Variants in NT5E observed in about 807,000 individuals in gnomAD.
NT5E encodes 5'-nucleotidase ecto.
NT5E carries 53 observed loss-of-function variants against 55.1 expected under a neutral mutation model. The ratio of observed to expected loss-of-function variants is 0.96; its 90% CI spans 0.77 to 1.21. The LOEUF is 1.21. NT5E is among the 50% of genes most tolerant of loss of function. The pLI, the probability that NT5E is intolerant of heterozygous loss-of-function variation, is 0.00. For missense variants in NT5E, 683 were observed against 724.3 expected, an observed-to-expected ratio of 0.94 and a Z score of 0.65; for synonymous variants, 270 against 278.4, an observed-to-expected ratio of 0.97 and a Z score of 0.30.
At chr6:85,489,430 C>A in intron 5 of NT5E, 64 bp from the exon 6 acceptor site, 1 of 1,168,984 alleles carries the variant, frequency 8.6e-7, no homozygotes, top group Non-Finnish European at 1.3e-6. Context: ...TAACCAGATT[C>A]CTGGAGCTGA....
At chr6:85,451,018 G>A (rs935704296) in intron 1 of NT5E, among the ~76,000 whole-genome samples, 4 of 152,256 alleles carry the variant, frequency 2.6e-5, no homozygotes, top group African/African-American at 9.6e-5. Flanking sequence ...CACAGCTTTG[G>A]GGTAGATTCT....
At chr6:85,485,116 A>T in intron 3 of NT5E, 119 bp from the exon 4 acceptor site, 1 of 950,328 alleles carries the variant, frequency 1.1e-6, no homozygotes. Context: ...AGCTATGTAG[A>T]GCAACAGATG....
In NT5E at chr6:85,492,267, C is replaced by T; in HGVS notation, c.1561+90C>T. 2.5e-6 allele frequency: 3 copies of T among 1,177,996 alleles called. No homozygotes were observed. The Middle Eastern group carries it at 7.0e-4, about 275-fold the overall frequency. 73.0% of individuals were successfully genotyped at this position (1,177,996 alleles called of 1,614,324 possible). A position where few individuals can be genotyped will look rare whatever the true frequency, so the allele number is the denominator to read the frequency against. Reference sequence around the variant, plus strand: ...TAGTGGTGCCAGGAGGGCAAAGTGACTCCCTGTATTGCTGACTCCCTCCTG... The same window carrying T: ...TAGTGGTGCCAGGAGGGCAAAGTGATTCCCTGTATTGCTGACTCCCTCCTG... On this transcript the variant is annotated intron_variant, in intron 8 of 8. Coordinates refer to ENST00000257770, the MANE Select transcript of NT5E (RefSeq NM_002526.4).
At chr6:85,456,807 G>C (rs544745197) in intron 1 of NT5E, among the ~76,000 whole-genome samples, 1 of 152,160 alleles carries the variant, frequency 6.6e-6, no homozygotes. Flanking sequence ...GAGTAAACGT[G>C]GGGGTGAGAC....
At chr6:85,490,319 T>C (rs767633939) in intron 6 of NT5E, among the ~76,000 whole-genome samples, 189 bp from the exon 7 acceptor site, 1 of 152,166 alleles carries the variant, frequency 6.6e-6, no homozygotes, top group Admixed American at 6.5e-5. Flanking sequence ...AGTGGTGGAG[T>C]GCAGGGCCAG....
intron 4 of NT5E, among the ~76,000 whole-genome samples, chr6:85,486,863 C>T (rs1376954431): frequency 1.3e-5 from 2 of 152,130 alleles, no homozygotes; most frequent in African/African-American, 4.8e-5. Context: ...TCTCACTTTC[C>T]CTTTTCTGTT....
chr6:85,481,501 A>G (rs1769551032), intron 3 of NT5E, among the ~76,000 whole-genome samples: 1 of 152,216 alleles, frequency 6.6e-6, no homozygotes, highest in Admixed American at 6.5e-5. Flanking sequence ...CACTTGCTGC[A>G]TTAACTTCTT....
chr6:85,477,245 T>C lies in NT5E; in HGVS notation c.751+5820T>C, dbSNP rs554364111. ...ATTACACCCTTGACTGTGTCGCGGC[T>C]GACACATGGAAGGCAGGTGTCTGGT... On this transcript the variant is annotated intron_variant, in intron 3 of 8. Transcript: ENST00000257770. 1.5e-4 allele frequency among the ~76,000 whole-genome samples: 23 copies of C among 152,294 alleles called. No individual in the cohort carries two copies. In the East Asian group the frequency reaches 3.7e-3, roughly 24 times the overall value.
intron 3 of NT5E, among the ~76,000 whole-genome samples, chr6:85,476,690 A>G (rs1336418366): frequency 6.6e-6 from 1 of 152,188 alleles, no homozygotes; most frequent in East Asian, 1.9e-4. Context: ...AATGGCTCTC[A>G]GTGGGATGGG....
Position 85,460,000 on chromosome 6 carries a change from T to C in NT5E, c.340-7060T>C, listed in dbSNP as rs372513578. The stretch of plus-strand genomic sequence containing the variant: ...GCTTGTAATTCACATGAATTCTCTA[T>C]ACAGGCCAAAAACTACCTTCCCTTT... On this transcript the variant is annotated intron_variant, in intron 1 of 8. Coordinates refer to ENST00000257770, the MANE Select transcript of NT5E (RefSeq NM_002526.4). Among the ~76,000 whole-genome samples, 7 of 152,364 alleles carry C rather than the reference T, an allele frequency of 4.6e-5. No homozygotes were observed. In the East Asian group the frequency reaches 1.2e-3, roughly 25 times the overall value.
intron 8 of NT5E, among the ~76,000 whole-genome samples, chr6:85,493,619 A>G (rs1250885197): frequency 6.6e-6 from 1 of 152,166 alleles, no homozygotes; most frequent in Non-Finnish European, 1.5e-5. Context: ...AGGCAACTCT[A>G]CTTCCCCCAA....
intron 2 of NT5E, among the ~76,000 whole-genome samples, chr6:85,470,474 G>A (rs1344904341): frequency 6.6e-6 from 1 of 152,190 alleles, no homozygotes; most frequent in African/African-American, 2.4e-5. Context: ...TTTTGAGGCA[G>A]AGTCTTGCTC....
intron 2 of NT5E, 42 bp from the exon 3 acceptor site, chr6:85,471,195 A>T: frequency 7.4e-7 from 1 of 1,359,584 alleles, no homozygotes; most frequent in African/African-American, 1.5e-5. Context: ...AATATAATAA[A>T]AATTGTTAAT....
At chr6:85,459,438 A>T (rs1297924755) in intron 1 of NT5E, among the ~76,000 whole-genome samples, 2 of 152,242 alleles carry the variant, frequency 1.3e-5, no homozygotes, top group African/African-American at 2.4e-5. Flanking sequence ...CTTCTGCATC[A>T]TGCATCCTAC....
At chr6:85,483,163 A>C (rs1769582221) in intron 3 of NT5E, among the ~76,000 whole-genome samples, 1 of 152,226 alleles carries the variant, frequency 6.6e-6, no homozygotes, top group African/African-American at 2.4e-5. Context: ...AGAAAGATAA[A>C]GGCCAAAAAA....
intron 3 of NT5E, among the ~76,000 whole-genome samples, chr6:85,477,178 C>A (rs1247379457): frequency 6.6e-6 from 1 of 152,162 alleles, no homozygotes; most frequent in Non-Finnish European, 1.5e-5. Context: ...CCCTCCCAGT[C>A]CAGCAGGCTT....
At chr6:85,475,031 A>G (rs1769399818) in intron 3 of NT5E, among the ~76,000 whole-genome samples, 2 of 152,276 alleles carry the variant, frequency 1.3e-5, no homozygotes, top group Non-Finnish European at 2.9e-5. Flanking sequence ...TGGCCTTAAG[A>G]AAACAACTCT....
chr6:85,486,040 C>G (rs1769652078), intron 4 of NT5E, among the ~76,000 whole-genome samples: 1 of 152,142 alleles, frequency 6.6e-6, no homozygotes, highest in Non-Finnish European at 1.5e-5. Context: ...CAACAATGCA[C>G]TGGATATACC....
chr6:85,459,905 T>G (rs1769060956), intron 1 of NT5E, among the ~76,000 whole-genome samples: 2 of 152,318 alleles, frequency 1.3e-5, no homozygotes, highest in Non-Finnish European at 2.9e-5. Flanking sequence ...GAATCCAAGT[T>G]TCTTGTTTTG....
Sources: allele counts gnomAD v4.1 joint callset (sites outside exome capture counted in the v4.1 genomes callset), GRCh38; gene constraint gnomAD v4.1.1; transcripts MANE v1.5; gene names NCBI Gene and HGNC (gene_info 2026-07-23, HGNC 2026-07-21).